Variants in TIAM1 observed in about 807,000 individuals in gnomAD.
TIAM1 encodes the protein TIAM Rac1 associated GEF 1.
A neutral mutation model predicts 163.5 loss-of-function variants in TIAM1; 65 were observed. That is an observed-to-expected ratio of 0.40 (90% CI 0.33 to 0.49). The LOEUF is 0.49. Ranked by LOEUF, TIAM1 falls within the 20% of genes least tolerant of loss-of-function variation. The pLI is 0.77. For missense variants in TIAM1, 1,789 were observed against 2,044.7 expected (o/e 0.87, Z 2.41); for synonymous variants, 833 against 810.1 (o/e 1.03, Z -0.48).
At chr21:31,525,674 C>T (rs938034730) in intron 1 of TIAM1, among the ~76,000 whole-genome samples, 2 of 152,134 alleles carry the variant, frequency 1.3e-5, no homozygotes, top group African/African-American at 4.8e-5. Context: ...AGAGTCCATG[C>T]TATTAACCCC....
At chr21:31,146,779 G>C in intron 20 of TIAM1, 116 bp downstream of exon 20, 1 of 739,000 alleles carries the variant, frequency 1.4e-6, no homozygotes, top group South Asian at 1.7e-5. Context: ...TGGCTTGCTG[G>C]AACATCTATC....
At chr21:31,181,395 G>A (rs182208601) in intron 15 of TIAM1, among the ~76,000 whole-genome samples, 1 of 152,156 alleles carries the variant, frequency 6.6e-6, no homozygotes, top group East Asian at 1.9e-4. Flanking sequence ...GGGCCCAGAG[G>A]AGAGAGCTAA....
intron 1 of TIAM1, among the ~76,000 whole-genome samples, chr21:31,506,010 C>CAAA (rs141958932): frequency 2.7e-4 from 23 of 84,142 alleles, no homozygotes; most frequent in African/African-American, 7.9e-4. Context: ...GACTCTGCCT[C>CAAA]AAAAAAAAAA....
intron 6 of TIAM1, among the ~76,000 whole-genome samples, chr21:31,243,936 G>A (rs1425669736): frequency 6.6e-6 from 1 of 152,172 alleles, no homozygotes; most frequent in Non-Finnish European, 1.5e-5. Flanking sequence ...AAGTGTCCTG[G>A]CTTGGATGAT....
chr21:31,134,818 T>C (rs2082557120), intron 23 of TIAM1, among the ~76,000 whole-genome samples: 1 of 152,174 alleles, frequency 6.6e-6, no homozygotes, highest in Non-Finnish European at 1.5e-5. Flanking sequence ...GCCTCCTTTG[T>C]TATTTTTAAT....
intron 2 of TIAM1, among the ~76,000 whole-genome samples, chr21:31,443,628 C>T (rs898032925): frequency 6.6e-6 from 1 of 152,170 alleles, no homozygotes; most frequent in Non-Finnish European, 1.5e-5. Context: ...ACAACCACCA[C>T]CACCCACCAC....
chr21:31,157,321 T>C (rs1035233898), intron 16 of TIAM1, among the ~76,000 whole-genome samples: 2 of 152,182 alleles, frequency 1.3e-5, no homozygotes, highest in Non-Finnish European at 2.9e-5. Flanking sequence ...AAGCAATAAA[T>C]GTTTGCAAAG....
At chr21:31,346,415 A>C (rs572124147), upstream of TIAM1, among the ~76,000 whole-genome samples, 4 of 152,310 alleles carry the variant, frequency 2.6e-5, no homozygotes, top group Admixed American at 6.5e-5. Flanking sequence ...CAGAGGCAGG[A>C]AAGCATCCCG....
rs905201235 is a variant in TIAM1 at position 31,432,152 on chromosome 21, G to A, written c.-369+31831C>T. ...AGTCTCGCTCTGACACCAGGCTGGA[G>A]GGCAGTGGCGTAATCTCAACTCACT... is the stretch of plus-strand genomic sequence containing the variant. On this transcript the variant is annotated intron_variant, in intron 2 of 28. Transcript: ENST00000286827. 2.8e-5 allele frequency among the ~76,000 whole-genome samples: 4 copies of A among 142,144 alleles called. No homozygotes were observed. In the East Asian group the frequency reaches 8.4e-4, roughly 30 times the overall value. The allele number at this position is 142,144 out of a possible 152,430, so 93.3% of individuals were successfully genotyped here.
intron 1 of TIAM1, among the ~76,000 whole-genome samples, chr21:31,538,222 A>G (rs1478418625): frequency 6.6e-6 from 1 of 152,212 alleles, no homozygotes; most frequent in African/African-American, 2.4e-5. Flanking sequence ...TATGTATGTT[A>G]TATTTAATTT....
At chr21:31,439,533 A>T (rs1439834945) in intron 2 of TIAM1, among the ~76,000 whole-genome samples, 1 of 152,050 alleles carries the variant, frequency 6.6e-6, no homozygotes, top group Non-Finnish European at 1.5e-5. Flanking sequence ...CAAGTAATTC[A>T]CCCGCGTTGG....
At chr21:31,536,782 C>CA (rs1371793824) in intron 1 of TIAM1, among the ~76,000 whole-genome samples, 1 of 152,180 alleles carries the variant, frequency 6.6e-6, no homozygotes, top group Non-Finnish European at 1.5e-5. Flanking sequence ...CCCCAACACT[C>CA]AGACACATAC....
chr21:31,453,269 G>A (rs1161455175), intron 2 of TIAM1: 2 of 228,462 alleles, frequency 8.8e-6, no homozygotes, highest in Non-Finnish European at 1.8e-5. Flanking sequence ...GGTAGAGGAA[G>A]CAGTCAAAGA....
chr21:31,351,202 G>T (rs1424745059), intron 2 of TIAM1, among the ~76,000 whole-genome samples: 5 of 152,182 alleles, frequency 3.3e-5, no homozygotes, highest in African/African-American at 1.2e-4. Flanking sequence ...ACCTCTATAT[G>T]TAAGAGAAGA....
chr21:31,391,634 A>G (rs910100493), intron 2 of TIAM1, among the ~76,000 whole-genome samples: 35 of 152,150 alleles, frequency 2.3e-4, no homozygotes, highest in African/African-American at 7.0e-4. Flanking sequence ...TAAAAAAAAC[A>G]AAACAAAACA....
At chr21:31,397,793 G>A (rs1305384914) in intron 2 of TIAM1, among the ~76,000 whole-genome samples, 1 of 152,206 alleles carries the variant, frequency 6.6e-6, no homozygotes, top group African/African-American at 2.4e-5. Flanking sequence ...ATGCTGGGCT[G>A]CTTTCTGCCA....
At chr21:31,381,774 G>A (rs1044572922) in intron 2 of TIAM1, among the ~76,000 whole-genome samples, 2 of 152,184 alleles carry the variant, frequency 1.3e-5, no homozygotes, top group Non-Finnish European at 2.9e-5. Flanking sequence ...CGAGGCTGCA[G>A]TGAGCCATGA....
At chr21:31,536,667 T>G (rs1280126410) in intron 1 of TIAM1, among the ~76,000 whole-genome samples, 1 of 152,180 alleles carries the variant, frequency 6.6e-6, no homozygotes. Flanking sequence ...TGGGCAGGGC[T>G]GGGGTGAGCA....
intron 2 of TIAM1, among the ~76,000 whole-genome samples, chr21:31,440,586 G>A (rs1331084806): frequency 1.3e-5 from 2 of 152,134 alleles, no homozygotes; most frequent in African/African-American, 2.4e-5. Flanking sequence ...ATTTCCAATG[G>A]ATTGAAAGAC....
Sources: allele counts gnomAD v4.1 joint callset (sites outside exome capture counted in the v4.1 genomes callset), GRCh38; gene constraint gnomAD v4.1.1; transcripts MANE v1.5; gene names NCBI Gene and HGNC (gene_info 2026-07-23, HGNC 2026-07-21).